WFDC9: variants seen among roughly 807,000 people sequenced by gnomAD.
WFDC9 encodes the protein protein WFDC9.
In WFDC9, 9 loss-of-function variants were observed where a neutral mutation model predicts 9.5. That is an observed-to-expected ratio of 0.95 (90% CI 0.57 to 1.65). WFDC9 has a LOEUF of 1.65. WFDC9 is among the 40% of genes most tolerant of loss of function. WFDC9 has a pLI of 0.00. For synonymous variants in WFDC9, 33 were observed against 32.3 expected (o/e 1.02, Z -0.07); for missense variants, 87 against 106.7 (o/e 0.82, Z 0.81).
rs1238186174 is a variant in WFDC9 at position 45,608,072 on chromosome 20, T to C, written c.*38A>G. 4 of 1,612,640 alleles carry C rather than the reference T, an allele frequency of 2.5e-6. No homozygotes were observed. Among genetic ancestry groups the C allele is most frequent in the Non-Finnish European group, 3.4e-6 (4 of 1,179,052 alleles). ...GCAGCACTCTTCTTAGACCAGATGG[T>C]CATCCTTCAGCCCACAGTAGTGATC... On this transcript the variant is annotated 3_prime_UTR_variant, in exon 5 of 5. Coordinates refer to ENST00000326000, the MANE Select transcript of WFDC9 (RefSeq NM_147198.4).
At chr20:45,630,244 A>C (rs1806712598) in intron 1 of WFDC9, among the ~76,000 whole-genome samples, 1 of 152,146 alleles carries the variant, frequency 6.6e-6, no homozygotes, top group Non-Finnish European at 1.5e-5. Context: ...ATTTGTGAGG[A>C]GTAAAGATTC....
intron 1 of WFDC9, chr20:45,630,746 T>C (rs757347675): frequency 4.5e-6 from 5 of 1,115,840 alleles, no homozygotes; most frequent in South Asian, 1.8e-5. Flanking sequence ...GGTAGTTCTA[T>C]GAAGAAGGAA....
At position 45,610,138 on chromosome 20, in the gene WFDC9, A is replaced by G; in HGVS notation, c.44T>C (p.Val15Ala). Residue 15 changes from valine (V) to alanine (A), a missense_variant, in exon 3 of 5, where the codon GTT becomes GCT. Val to Ala is a moderately conservative substitution (Grantham distance 64). Transcript: ENST00000326000. ...ILLLVMFISG[V>A]VMLLPVLGSF... is the part of the protein sequence containing the mutation. Reference sequence around the variant, plus strand: ...TCCCAGCACAGGCAGAAGCATCACAACTCCAGAGATGAACATGACGAGTAG... The same window carrying G: ...TCCCAGCACAGGCAGAAGCATCACAGCTCCAGAGATGAACATGACGAGTAG... The G allele has an allele frequency of 1.2e-6, 2 of 1,614,008 alleles. No individual in the cohort carries two copies. The highest frequency in any genetic ancestry group is 3.3e-4 in the Middle Eastern group (2 of 6,060).
At chr20:45,608,624 C>A in intron 4 of WFDC9, 39 bp downstream of exon 4, 1 of 1,588,584 alleles carries the variant, frequency 6.3e-7, no homozygotes. Context: ...AGTGATGAAG[C>A]ATGCCCAGGC....
At position 45,608,113 on chromosome 20, in the gene WFDC9, G is replaced by A; in HGVS notation, c.267C>T (p.Pro89=). 1 of 1,613,510 alleles carries A rather than the reference G, an allele frequency of 6.2e-7. No homozygotes were observed. The highest frequency in any genetic ancestry group is 8.5e-7 in the Non-Finnish European group (1 of 1,179,808). The change falls in exon 5 of 5, where the codon CCC becomes CCT. Residue 89 remains proline, a synonymous_variant. Transcript: ENST00000326000. ...AGTAGTGATCGGCCAATAGAATCTAGGGGTTTAGCATTGATTTAAGGGGCT... is the reference window on the plus strand; with the variant it reads ...AGTAGTGATCGGCCAATAGAATCTAAGGGTTTAGCATTGATTTAAGGGGCT... ...NEEPLKSMLN[P]
At position 45,631,180 on chromosome 20, in the gene WFDC9, G is replaced by A. The variant is rs1600927144; in HGVS notation, c.-153+23C>T. 3 of 714,490 alleles carry A rather than the reference G, an allele frequency of 4.2e-6. No homozygotes were observed. In the South Asian group the frequency reaches 1.3e-4, roughly 30 times the overall value. 44.3% of individuals were successfully genotyped at this position (714,490 alleles called of 1,614,324 possible). On this transcript the variant is annotated intron_variant, in intron 1 of 4. Transcript: ENST00000326000. ...CCCCTTGTCCCTGTCAAATAAACCA[G>A]AACAAATGCCCAGGGATCCTACCTC...
chr20:45,629,913 T>C lies in WFDC9; in HGVS notation c.-153+1290A>G, dbSNP rs776387253. On this transcript the variant is annotated intron_variant, in intron 1 of 4. Coordinates refer to ENST00000326000, the MANE Select transcript of WFDC9 (RefSeq NM_147198.4). ...CAAGAAGAGGATGCAGAGTAGGTGA[T>C]GGGCTGCTGGATGGGTGAGGGGGAA... is the stretch of plus-strand genomic sequence containing the variant. 5 of 1,612,666 alleles carry C rather than the reference T, an allele frequency of 3.1e-6. No individual in the cohort carries two copies. In the East Asian group the frequency reaches 8.9e-5, roughly 29 times the overall value.
At chr20:45,625,130 C>T (rs955945849) in intron 1 of WFDC9, among the ~76,000 whole-genome samples, 2 of 152,158 alleles carry the variant, frequency 1.3e-5, no homozygotes, top group African/African-American at 4.8e-5. Flanking sequence ...GACTTTAAAT[C>T]ATGTCAGAAG....
rs1436365718 is a variant in WFDC9, at chr20:45,608,669, T to A, written c.233A>T (p.Asp78Val). ...CCCACCCCAACCAACTCACTCGTTG[T>A]CTAAGCAGATGTTTCCACAGTAGGT... ...CWTYCGNICLDNEEPLKSMLN... is the reference protein window; with the variant it reads ...CWTYCGNICLVNEEPLKSMLN... Residue 78 changes from aspartate to valine, a missense_variant, in exon 4 of 5, where the codon GAC becomes GTC. Transcript: ENST00000326000. 6.2e-7 allele frequency: 1 copy of A among 1,612,314 alleles called. No homozygotes were observed. The highest frequency in any genetic ancestry group is 8.5e-7 in the Non-Finnish European group (1 of 1,179,000).
At chr20:45,628,601 G>A (rs1356037139) in intron 1 of WFDC9, among the ~76,000 whole-genome samples, 1 of 152,172 alleles carries the variant, frequency 6.6e-6, no homozygotes, top group Non-Finnish European at 1.5e-5. Context: ...GAGCCTTTGG[G>A]AAGGGTCAAA....
intron 1 of WFDC9, chr20:45,629,668 C>G (rs560644713): frequency 1.9e-6 from 2 of 1,043,448 alleles, no homozygotes; most frequent in East Asian, 2.6e-5. Flanking sequence ...AGGAAGGACT[C>G]TCTTGCTCTG....
At chr20:45,612,586 TAATA>T (rs1193016360) in intron 2 of WFDC9, among the ~76,000 whole-genome samples, 1 of 152,148 alleles carries the variant, frequency 6.6e-6, no homozygotes. Context: ...AGAAAAATCT[TAATA>T]AAAAGGAATA....
chr20:45,608,529 G>A, intron 4 of WFDC9, 134 bp downstream of exon 4: 1 of 1,103,848 alleles, frequency 9.1e-7, no homozygotes, highest in Non-Finnish European at 1.3e-6. Flanking sequence ...CCTAGGTTTG[G>A]AGATAGGAGG....
At chr20:45,614,388 G>C (rs1981928359) in intron 2 of WFDC9, among the ~76,000 whole-genome samples, 1 of 152,190 alleles carries the variant, frequency 6.6e-6, no homozygotes, top group Non-Finnish European at 1.5e-5. Flanking sequence ...TGGCTTTCCA[G>C]ATAATGTTAA....
intron 2 of WFDC9, 98 bp from the exon 3 acceptor site, chr20:45,610,337 T>A: frequency 1.7e-6 from 1 of 572,228 alleles, no homozygotes; most frequent in South Asian, 2.9e-5. Flanking sequence ...TAGTACCCAG[T>A]AGCATACCAA....
chr20:45,627,395 T>G (rs1355868547), intron 1 of WFDC9, among the ~76,000 whole-genome samples: 3 of 152,184 alleles, frequency 2.0e-5, no homozygotes, highest in Non-Finnish European at 2.9e-5. Flanking sequence ...GAAGAATTGG[T>G]ATTAATTTAT....
intron 2 of WFDC9, among the ~76,000 whole-genome samples, chr20:45,612,116 T>C (rs1404423554): frequency 6.6e-6 from 1 of 152,176 alleles, no homozygotes; most frequent in Non-Finnish European, 1.5e-5. Flanking sequence ...ACACTAAGCA[T>C]AGGACCTGGA....
rs143231913 is a variant in WFDC9 at position 45,624,465 on chromosome 20, G to A, written c.-153+6738C>T. ...ATCATAGTTTCTTTCTCCATTCCTC[G>A]GTTGTTAGACACCTAGGTTGAGTCT... is the stretch of plus-strand genomic sequence containing the variant. On this transcript the variant is annotated intron_variant, in intron 1 of 4. Transcript: ENST00000326000. Among the ~76,000 whole-genome samples the A allele has an allele frequency of 2.0e-5, 3 of 151,074 alleles. No homozygotes were observed. In the East Asian group the frequency reaches 6.2e-4, roughly 31 times the overall value.
intron 4 of WFDC9, 152 bp downstream of exon 4, chr20:45,608,511 A>G (rs947550006): frequency 1.1e-5 from 10 of 925,826 alleles, no homozygotes; most frequent in African/African-American, 3.3e-5. Context: ...TTTTGCAGTG[A>G]GGAGCAGCCT....
Sources: gnomAD v4.1 joint callset for allele counts (sites outside exome capture counted in the v4.1 genomes callset) on GRCh38, gnomAD v4.1.1 for gene constraint, MANE v1.5 for transcripts, NCBI Gene and HGNC (gene_info 2026-07-23, HGNC 2026-07-21) for gene names.